The following NAA25 variants were observed in gnomAD, a reference collection of about 807,000 sequenced individuals.
NAA25 encodes N-terminal acetyltransferase B complex subunit NAA25.
Under a neutral mutation model 132.5 loss-of-function variants are expected in NAA25, and 30 were observed. The ratio of observed to expected loss-of-function variants is 0.23; its 90% CI spans 0.17 to 0.31. The LOEUF is 0.31. Ranked by LOEUF, NAA25 falls within the 10% of genes least tolerant of loss-of-function variation. The probability of loss-of-function intolerance (pLI) is 1.00; values close to 1 mark genes in which losing one functional copy is unlikely to be tolerated. For synonymous variants in NAA25, 359 were observed against 401.9 expected (o/e 0.89, Z 1.28); for missense variants, 771 against 1,150.4 (o/e 0.67, Z 4.77).
At position 112,049,649 on chromosome 12, in the gene NAA25, A is replaced by C; in HGVS notation, c.1729-1206T>G. On this transcript the variant is annotated intron_variant, in intron 15 of 23. Transcript: ENST00000261745. The surrounding 1 kb of genome is among the most constrained non-coding windows in gnomAD (Gnocchi z 4.7). ...AAGACGGACGGACACAAGAAAATTA[A>C]AAAGATTACTTGTGATCCTGCAGGT... is the stretch of plus-strand genomic sequence containing the variant. 6.1e-6 allele frequency: 6 copies of C among 985,506 alleles called. No homozygotes were observed. The highest frequency in any genetic ancestry group is 7.2e-6 in the Non-Finnish European group (6 of 829,864). 61.0% of individuals were successfully genotyped at this position (985,506 alleles called of 1,614,324 possible).
Position 112,085,209 on chromosome 12 carries a change from G to A in NAA25, c.402+2474C>T, listed in dbSNP as rs532737505. 3.9e-5 allele frequency among the ~76,000 whole-genome samples: 6 copies of A among 152,134 alleles called. No homozygotes were observed. In the South Asian group the frequency reaches 1.2e-3, roughly 32 times the overall value. ...CACACCACTGCACTCCAGCCTGGGC[G>A]ACAGAGCAAGACTATATCACACACA... On this transcript the variant is annotated intron_variant, in intron 4 of 23. Coordinates refer to ENST00000261745, the MANE Select transcript of NAA25 (RefSeq NM_024953.4).
rs1263435793 is a variant in NAA25, at chr12:112,027,685, C to G, written c.*1846G>C. 6.6e-6 allele frequency: 1 copy of G among 152,188 alleles called. No individual in the cohort carries two copies. Among genetic ancestry groups the G allele is most frequent in the Non-Finnish European group, 1.5e-5 (1 of 68,022 alleles). 9.4% of individuals were successfully genotyped at this position (152,188 alleles called of 1,614,324 possible). On this transcript the variant is annotated 3_prime_UTR_variant, in exon 24 of 24. Transcript: ENST00000261745. ...CGATAGACTTTTTCAAAGAGCATTT[C>G]TACAGTACAGTACTTTTTTGGATAT...
Position 112,082,987 on chromosome 12 carries a change from G to C in NAA25, c.403-1853C>G, listed in dbSNP as rs116237342. Among the ~76,000 whole-genome samples, 1,221 of 152,228 alleles carry C rather than the reference G, an allele frequency of 8.0e-3. 15 individuals are homozygous for C. Among genetic ancestry groups the C allele is most frequent in the African/African-American group, 0.028 (1,172 of 41,546 alleles). ...AAGAGTAGCAGGAAAAGTGTTGAAA[G>C]GTAGACCAAGGTACTTTTGTTGTAA... On this transcript the variant is annotated intron_variant, in intron 4 of 23. Coordinates refer to ENST00000261745, the MANE Select transcript of NAA25 (RefSeq NM_024953.4).
intron 2 of NAA25, among the ~76,000 whole-genome samples, chr12:112,091,585 C>T (rs1362949707): frequency 6.6e-6 from 1 of 151,856 alleles, no homozygotes; most frequent in South Asian, 2.1e-4. Context: ...CCCAGCTACT[C>T]GAGAGGCTGA....
intron 13 of NAA25, among the ~76,000 whole-genome samples, chr12:112,057,930 A>G (rs531731305): frequency 6.6e-6 from 1 of 152,296 alleles, no homozygotes; most frequent in South Asian, 2.1e-4. Flanking sequence ...GCAGTGAGCC[A>G]AGATTGTGCC....
chr12:112,050,793 T>C (rs754554612), intron 15 of NAA25, among the ~76,000 whole-genome samples: 1 of 152,222 alleles, frequency 6.6e-6, no homozygotes, highest in Non-Finnish European at 1.5e-5. Context: ...TTTTTAAAAA[T>C]CTATTCCAAA....
At chr12:112,054,940 T>A (rs1183633116) in intron 13 of NAA25, among the ~76,000 whole-genome samples, 2 of 152,304 alleles carry the variant, frequency 1.3e-5, no homozygotes, top group East Asian at 3.9e-4. Context: ...CCCAGACAGA[T>A]GTTATCTATA....
intron 3 of NAA25, among the ~76,000 whole-genome samples, chr12:112,088,121 T>C (rs1566028862): frequency 6.6e-6 from 1 of 152,156 alleles, no homozygotes; most frequent in Non-Finnish European, 1.5e-5. Flanking sequence ...CATACATAAC[T>C]CTATGCCTCT....
intron 22 of NAA25, chr12:112,037,759 A>G (rs1355993179): frequency 1.3e-5 from 2 of 150,850 alleles, no homozygotes; most frequent in Non-Finnish European, 3.0e-5. Flanking sequence ...AAAGGACAAC[A>G]TGTCTATATT....
chr12:112,041,548 A>C (rs1356013428), intron 20 of NAA25, among the ~76,000 whole-genome samples: 1 of 152,126 alleles, frequency 6.6e-6, no homozygotes, highest in Non-Finnish European at 1.5e-5. Context: ...CTATTAAATT[A>C]TTGGGAATTT....
At chr12:112,102,407 T>C (rs1410821706) in intron 1 of NAA25, among the ~76,000 whole-genome samples, 1 of 151,834 alleles carries the variant, frequency 6.6e-6, no homozygotes, top group Non-Finnish European at 1.5e-5. Flanking sequence ...TGTACTAATC[T>C]CTTCATCTTG....
intron 19 of NAA25, 120 bp downstream of exon 19, chr12:112,042,968 C>G: frequency 1.1e-6 from 1 of 930,092 alleles, no homozygotes; most frequent in East Asian, 2.5e-5. Flanking sequence ...CACACATTTG[C>G]AGAACAGCTT....
intron 15 of NAA25, among the ~76,000 whole-genome samples, chr12:112,051,180 T>C (rs756036374): frequency 2.0e-5 from 3 of 152,184 alleles, no homozygotes; most frequent in Non-Finnish European, 4.4e-5. Flanking sequence ...GCACTCAACA[T>C]TAAGGTCAAG....
chr12:112,089,239 A>T (rs147819868), intron 3 of NAA25, among the ~76,000 whole-genome samples: 242 of 152,306 alleles, frequency 1.6e-3, no homozygotes, highest in Non-Finnish European at 2.8e-3. Flanking sequence ...GTCTCAAAAG[A>T]AATTGGCAAA....
At chr12:112,108,604 T>C (rs918001628) in intron 1 of NAA25, 112 bp downstream of exon 1, 1 of 1,149,858 alleles carries the variant, frequency 8.7e-7, no homozygotes, top group Non-Finnish European at 1.1e-6. Context: ...CCCGCCCCCC[T>C]GCGCCTGCCC....
intron 1 of NAA25, among the ~76,000 whole-genome samples, chr12:112,107,380 TG>T (rs1421978711): frequency 6.6e-6 from 1 of 151,364 alleles, no homozygotes; most frequent in East Asian, 1.9e-4. Context: ...TTTCCTCATC[TG>T]TTTTTTTTTT....
At chr12:112,107,345 T>G (rs2079377781) in intron 1 of NAA25, among the ~76,000 whole-genome samples, 2 of 151,464 alleles carry the variant, frequency 1.3e-5, no homozygotes, top group African/African-American at 4.8e-5. Context: ...CTTAGACAAA[T>G]TACACAACAA....
chr12:112,047,617 A>G (rs745504054), intron 17 of NAA25, 48 bp downstream of exon 17: 1 of 1,598,202 alleles, frequency 6.3e-7, no homozygotes, highest in South Asian at 1.1e-5. Context: ...AAAAAAACAA[A>G]AAACAAACAA....
intron 1 of NAA25, among the ~76,000 whole-genome samples, chr12:112,098,412 C>A (rs1593838923): frequency 6.6e-6 from 1 of 152,130 alleles, no homozygotes; most frequent in Non-Finnish European, 1.5e-5. Context: ...TAATTAGCTG[C>A]TAAGTCTCTT....
Sources: gnomAD v4.1 joint callset for allele counts (sites outside exome capture counted in the v4.1 genomes callset) on GRCh38, gnomAD v4.1.1 for gene constraint, Gnocchi (gnomAD v3.1) non-coding constraint, MANE v1.5 for transcripts, NCBI Gene and HGNC (gene_info 2026-07-23, HGNC 2026-07-21) for gene names.